The following HS6ST3 variants were observed in gnomAD, a reference collection of about 807,000 sequenced individuals.
The protein encoded by HS6ST3 is heparan sulfate 6-O-sulfotransferase 3, also known as heparan-sulfate 6-O-sulfotransferase 3.
A neutral mutation model predicts 36.7 loss-of-function variants in HS6ST3; 12 were observed. The observed-to-expected ratio is 0.33, with a 90% CI of 0.21 to 0.53. HS6ST3 has a LOEUF of 0.53. Ranked by LOEUF, HS6ST3 falls within the 20% of genes least tolerant of loss-of-function variation. The probability of loss-of-function intolerance (pLI) is 0.95; values close to 1 mark genes in which losing one functional copy is unlikely to be tolerated. For synonymous variants in HS6ST3, 240 were observed against 257.5 expected (o/e 0.93, Z 0.65); for missense variants, 584 against 640.9 (o/e 0.91, Z 0.96).
intron 1 of HS6ST3, among the ~76,000 whole-genome samples, chr13:96,359,436 A>G (rs1013455452): frequency 1.3e-5 from 2 of 152,190 alleles, no homozygotes; most frequent in East Asian, 3.9e-4. Flanking sequence ...AGGTTGATTA[A>G]TCAGTACACT....
chr13:96,199,879 C>T (rs1239205564), intron 1 of HS6ST3, among the ~76,000 whole-genome samples: 1 of 151,860 alleles, frequency 6.6e-6, no homozygotes, highest in Non-Finnish European at 1.5e-5. Context: ...AGCTTTCTAG[C>T]AGGCCAAATG....
intron 1 of HS6ST3, among the ~76,000 whole-genome samples, chr13:96,400,520 T>G (rs2055445859): frequency 6.6e-6 from 1 of 152,066 alleles, no homozygotes; most frequent in African/African-American, 2.4e-5. Context: ...ATGGATATAA[T>G]TAGAGAGGTG....
In HS6ST3 at chr13:96,351,335, T is replaced by TTTTTTTTTTTTTTTTTAAAA. The variant is rs1203595829; in HGVS notation, c.707+259766_707+259767insTTTTTTTTTTTTTTTTAAAA. On this transcript the variant is annotated intron_variant, in intron 1 of 1. Coordinates refer to ENST00000376705, the MANE Select transcript of HS6ST3 (RefSeq NM_153456.4). ...AGGTGGCAGTCTTTTTTTTTTTTTTTAAAAAAAACAAGGTCTTGCTGGGTT... is the reference window on the plus strand; with the variant it reads ...AGGTGGCAGTCTTTTTTTTTTTTTTTTTTTTTTTTTTTTTTTAAAAAAAAAAAACAAGGTCTTGCTGGGTT... 1.9e-3 allele frequency among the ~76,000 whole-genome samples: 272 copies of TTTTTTTTTTTTTTTTTAAAA among 146,278 alleles called. 11 individuals are homozygous for TTTTTTTTTTTTTTTTTAAAA. Among genetic ancestry groups the TTTTTTTTTTTTTTTTTAAAA allele is most frequent in the African/African-American group, 6.8e-3 (261 of 38,494 alleles).
chr13:96,572,638 C>T (rs756563215), intron 1 of HS6ST3, among the ~76,000 whole-genome samples: 6 of 149,668 alleles, frequency 4.0e-5, no homozygotes, highest in Non-Finnish European at 8.9e-5. Context: ...CTTGTCCTTA[C>T]TTCATACTCC....
intron 1 of HS6ST3, among the ~76,000 whole-genome samples, chr13:96,244,425 G>A (rs1377440312): frequency 6.6e-6 from 1 of 152,066 alleles, no homozygotes; most frequent in South Asian, 2.1e-4. Flanking sequence ...TGAAAAGAGA[G>A]CTTATTTTTT....
chr13:96,790,739 G>T (rs1355548013), intron 1 of HS6ST3, among the ~76,000 whole-genome samples: 1 of 151,982 alleles, frequency 6.6e-6, no homozygotes, highest in Non-Finnish European at 1.5e-5. Flanking sequence ...CACATTCTCG[G>T]ATCCTGTGCA....
intron 1 of HS6ST3, among the ~76,000 whole-genome samples, chr13:96,795,406 A>G (rs1010799854): frequency 1.3e-5 from 2 of 152,046 alleles, no homozygotes; most frequent in Non-Finnish European, 2.9e-5. Flanking sequence ...TATTTTCATC[A>G]TATGGATGAG....
chr13:96,377,690 GT>G (rs2055321604), intron 1 of HS6ST3, among the ~76,000 whole-genome samples: 1 of 152,158 alleles, frequency 6.6e-6, no homozygotes. Context: ...TGACATCTCT[GT>G]TGTTTCCATT....
intron 1 of HS6ST3, among the ~76,000 whole-genome samples, chr13:96,162,433 A>G (rs1024494818): frequency 1.3e-5 from 2 of 152,212 alleles, no homozygotes; most frequent in African/African-American, 4.8e-5. Context: ...GAAGAAAAAA[A>G]TTTGTGGGCA....
intron 1 of HS6ST3, among the ~76,000 whole-genome samples, chr13:96,545,919 A>T (rs1186330622): frequency 6.6e-6 from 1 of 152,086 alleles, no homozygotes; most frequent in African/African-American, 2.4e-5. Flanking sequence ...CAGACAGGGC[A>T]TGTCTGTCTT....
At chr13:96,127,118 C>A (rs112195651) in intron 1 of HS6ST3, among the ~76,000 whole-genome samples, 3,054 of 152,276 alleles carry the variant, frequency 0.02, 87 homozygotes, top group African/African-American at 0.068. Context: ...CAAAATTCAT[C>A]TGTTGAAGCC....
rs544594059 is a variant in HS6ST3 at position 96,297,078 on chromosome 13, T to C, written c.707+205509T>C. ...TCCCATGGCTTGCTATATTACAGAC[T>C]CTTTAGCATTTTTTTCAATGGCCTA... On this transcript the variant is annotated intron_variant, in intron 1 of 1. Coordinates refer to ENST00000376705, the MANE Select transcript of HS6ST3 (RefSeq NM_153456.4). Among the ~76,000 whole-genome samples the C allele has an allele frequency of 7.2e-4, 109 of 152,264 alleles. 1 individual carries two copies. Among genetic ancestry groups the C allele is most frequent in the African/African-American group, 2.6e-3 (108 of 41,576 alleles).
chr13:96,141,712 T>G (rs2054032746), intron 1 of HS6ST3, among the ~76,000 whole-genome samples: 1 of 152,116 alleles, frequency 6.6e-6, no homozygotes, highest in South Asian at 2.1e-4. Flanking sequence ...GGTTCCAAAG[T>G]GATCGACTTG....
At chr13:96,635,538 G>A (rs11617668) in intron 1 of HS6ST3, among the ~76,000 whole-genome samples, 8,434 of 152,142 alleles carry the variant, frequency 0.055, 260 homozygotes, top group Middle Eastern at 0.085. Context: ...CACCACCAGG[G>A]TTACATACCC....
intron 1 of HS6ST3, among the ~76,000 whole-genome samples, chr13:96,398,082 C>T (rs2055431217): frequency 6.6e-6 from 1 of 152,096 alleles, no homozygotes. Context: ...ATGTTTTGTA[C>T]TCTAAGATGG....
intron 1 of HS6ST3, among the ~76,000 whole-genome samples, chr13:96,622,431 C>G (rs773241363): frequency 7.2e-5 from 11 of 151,946 alleles, no homozygotes; most frequent in Admixed American, 4.6e-4. Flanking sequence ...TTTTTACTTT[C>G]TCAGTCTGAC....
intron 1 of HS6ST3, among the ~76,000 whole-genome samples, chr13:96,826,302 A>G (rs1317362889): frequency 6.6e-6 from 1 of 152,242 alleles, no homozygotes; most frequent in Non-Finnish European, 1.5e-5. Flanking sequence ...GCATTTTAAA[A>G]GGTATCAGTT....
intron 1 of HS6ST3, among the ~76,000 whole-genome samples, chr13:96,291,838 A>G (rs2054831097): frequency 6.6e-6 from 1 of 152,186 alleles, no homozygotes; most frequent in Non-Finnish European, 1.5e-5. Context: ...GATCTGATTC[A>G]CCATGCAGGA....
chr13:96,646,773 A>G (rs2056590213), intron 1 of HS6ST3, among the ~76,000 whole-genome samples: 1 of 152,012 alleles, frequency 6.6e-6, no homozygotes, highest in Non-Finnish European at 1.5e-5. Context: ...CAAGGACCCC[A>G]AACGGTGAGA....
Sources: allele counts gnomAD v4.1 joint callset (sites outside exome capture counted in the v4.1 genomes callset), GRCh38; gene constraint gnomAD v4.1.1; transcripts MANE v1.5; gene names NCBI Gene and HGNC (gene_info 2026-07-23, HGNC 2026-07-21).